MAP2K6: variants seen among roughly 807,000 people sequenced by gnomAD.
MAP2K6 encodes the protein mitogen-activated protein kinase kinase 6.
Under a neutral mutation model 53.7 loss-of-function variants are expected in MAP2K6, and 16 were observed. The ratio of observed to expected loss-of-function variants is 0.30; its 90% CI spans 0.20 to 0.45. MAP2K6 has a LOEUF of 0.45. MAP2K6 is among the 20% of genes least tolerant of loss of function. The probability of loss-of-function intolerance (pLI) is 1.00; values close to 1 mark genes in which losing one functional copy is unlikely to be tolerated. For synonymous variants in MAP2K6, 132 were observed against 143.1 expected, an observed-to-expected ratio of 0.92 and a Z score of 0.55; for missense variants, 204 against 411.9, an observed-to-expected ratio of 0.50 and a Z score of 4.37.
In MAP2K6 at chr17:69,519,498, G is replaced by A. The variant is rs1250337443; in HGVS notation, c.366+66G>A. ...CTTAAAAAGAAGTTTCTTTGATCACGTAAATGCCTTCACAATCATGGAGCT... is the reference window on the plus strand; with the variant it reads ...CTTAAAAAGAAGTTTCTTTGATCACATAAATGCCTTCACAATCATGGAGCT... On this transcript the variant is annotated intron_variant, in intron 5 of 11. Coordinates refer to ENST00000590474, the MANE Select transcript of MAP2K6 (RefSeq NM_002758.4). 1.2e-5 allele frequency: 19 copies of A among 1,589,746 alleles called. 1 individual carries two copies. Among genetic ancestry groups the A allele is most frequent in the Middle Eastern group, 1.7e-4 (1 of 5,974 alleles).
intron 11 of MAP2K6, among the ~76,000 whole-genome samples, chr17:69,539,872 T>C (rs1382350085): frequency 2.6e-5 from 4 of 152,180 alleles, no homozygotes; most frequent in Non-Finnish European, 5.9e-5. Context: ...GTAAGTGTGC[T>C]GTGTATGTGG....
chr17:69,434,584 A>T (rs1323902175), intron 1 of MAP2K6: 1 of 152,216 alleles, frequency 6.6e-6, no homozygotes, highest in Middle Eastern at 3.2e-3. Flanking sequence ...CCAGAGTCTT[A>T]CAAAAGTGCA....
chr17:69,535,090 G>A (rs1911288534), intron 10 of MAP2K6, among the ~76,000 whole-genome samples: 1 of 151,618 alleles, frequency 6.6e-6, no homozygotes, highest in South Asian at 2.1e-4. Flanking sequence ...TAAATAATAA[G>A]TAACAGCATT....
intron 1 of MAP2K6, among the ~76,000 whole-genome samples, chr17:69,471,677 C>A (rs1907985785): frequency 6.6e-6 from 1 of 151,840 alleles, no homozygotes; most frequent in South Asian, 2.1e-4. Context: ...TAATAGAATA[C>A]AATAAAATAA....
chr17:69,449,738 T>C (rs1423474225), intron 1 of MAP2K6, among the ~76,000 whole-genome samples: 4 of 143,028 alleles, frequency 2.8e-5, no homozygotes, highest in South Asian at 2.3e-4. Flanking sequence ...CTCAGCCTCC[T>C]GAGTAGCTGG....
chr17:69,456,112 C>T (rs942988728), intron 1 of MAP2K6, among the ~76,000 whole-genome samples: 1 of 152,130 alleles, frequency 6.6e-6, no homozygotes, highest in South Asian at 2.1e-4. Flanking sequence ...CCGCCCGCAT[C>T]GGCCTCCCAA....
intron 1 of MAP2K6, among the ~76,000 whole-genome samples, chr17:69,487,321 A>G (rs1438281208): frequency 1.3e-5 from 2 of 152,218 alleles, no homozygotes; most frequent in Non-Finnish European, 2.9e-5. Context: ...GGTCCTCGAA[A>G]CAGAGGAAGT....
intron 1 of MAP2K6, among the ~76,000 whole-genome samples, chr17:69,493,838 C>T (rs1170031360): frequency 1.3e-5 from 2 of 152,046 alleles, no homozygotes; most frequent in African/African-American, 2.4e-5. Flanking sequence ...AACAATGAGA[C>T]ACCCCTTGTA....
intron 1 of MAP2K6, among the ~76,000 whole-genome samples, chr17:69,472,768 G>A (rs543589231): frequency 1.3e-5 from 2 of 152,184 alleles, no homozygotes; most frequent in African/African-American, 2.4e-5. Flanking sequence ...GTATGGCCTC[G>A]GCTCCCTGCA....
chr17:69,484,703 G>A (rs529895838), intron 1 of MAP2K6, among the ~76,000 whole-genome samples: 3 of 152,100 alleles, frequency 2.0e-5, no homozygotes, highest in African/African-American at 7.2e-5. Context: ...TAAATAAAAG[G>A]TGGCACAGGT....
chr17:69,533,599 G>C (rs539141502), intron 10 of MAP2K6, among the ~76,000 whole-genome samples: 6 of 152,264 alleles, frequency 3.9e-5, no homozygotes, highest in Middle Eastern at 3.4e-3. Context: ...TCTGAATATT[G>C]AGTGTGGATT....
intron 10 of MAP2K6, among the ~76,000 whole-genome samples, chr17:69,530,301 C>T (rs529216258): frequency 3.1e-4 from 47 of 151,998 alleles, no homozygotes; most frequent in Admixed American, 1.1e-3. Flanking sequence ...GGTGACAGAG[C>T]AAGATCCTGC....
At chr17:69,465,082 A>G (rs919228746) in intron 1 of MAP2K6, among the ~76,000 whole-genome samples, 14 of 151,872 alleles carry the variant, frequency 9.2e-5, no homozygotes, top group Non-Finnish European at 2.1e-4. Flanking sequence ...AGCCTGATGC[A>G]TAATAGCTCC....
At chr17:69,481,994 G>A (rs1371474315) in intron 1 of MAP2K6, among the ~76,000 whole-genome samples, 1 of 152,196 alleles carries the variant, frequency 6.6e-6, no homozygotes, top group Admixed American at 6.5e-5. Context: ...TAGGGTGGCT[G>A]TGAGATTTAA....
intron 1 of MAP2K6, among the ~76,000 whole-genome samples, chr17:69,456,688 T>C (rs983786807): frequency 2.6e-5 from 4 of 152,196 alleles, no homozygotes; most frequent in Admixed American, 2.6e-4. Flanking sequence ...AACCCTGTTA[T>C]TTCTACCCAG....
intron 1 of MAP2K6, among the ~76,000 whole-genome samples, chr17:69,482,329 A>G (rs899337596): frequency 6.6e-6 from 1 of 152,050 alleles, no homozygotes; most frequent in Non-Finnish European, 1.5e-5. Flanking sequence ...AGTTTTCTGA[A>G]TAGGTACTAT....
Position 69,545,693 on chromosome 17 carries a change from G to A in MAP2K6, c.*3940G>A, listed in dbSNP as rs903115634. The stretch of plus-strand genomic sequence containing the variant: ...CAGCTTAATAATAGCAGTTTGCACA[G>A]TGTCCTGCATATATCACTATATTTC... On this transcript the variant is annotated 3_prime_UTR_variant, in exon 12 of 12. Transcript: ENST00000590474. 1 of 152,156 alleles carries A rather than the reference G, an allele frequency of 6.6e-6. No homozygotes were observed. The highest frequency in any genetic ancestry group is 2.4e-5 in the African/African-American group (1 of 41,422). 9.4% of individuals were successfully genotyped at this position (152,156 alleles called of 1,614,324 possible). A position where few individuals can be genotyped will look rare whatever the true frequency, so the allele number is the denominator to read the frequency against.
rs1333518652 is a variant in MAP2K6, at chr17:69,510,666, C to T, written c.83+4820C>T. Among the ~76,000 whole-genome samples the T allele has an allele frequency of 5.9e-5, 9 of 152,154 alleles. No individual in the cohort carries two copies. The East Asian group carries it at 1.7e-3, about 29-fold the overall frequency. On this transcript the variant is annotated intron_variant, in intron 2 of 11. Coordinates refer to ENST00000590474, the MANE Select transcript of MAP2K6 (RefSeq NM_002758.4). ...GGACTATTCAGATTATCTGTTTCAT[C>T]ATGGCTGAGTTTTGGTAGTATGTGG...
At chr17:69,539,055 A>G (rs1006878265) in intron 11 of MAP2K6, among the ~76,000 whole-genome samples, 12 of 152,350 alleles carry the variant, frequency 7.9e-5, no homozygotes, top group South Asian at 4.1e-4. Flanking sequence ...GATAATCACC[A>G]GAAAAGATAA....
Sources: allele counts gnomAD v4.1 joint callset (sites outside exome capture counted in the v4.1 genomes callset), GRCh38; gene constraint gnomAD v4.1.1; transcripts MANE v1.5; gene names NCBI Gene and HGNC (gene_info 2026-07-23, HGNC 2026-07-21).